The following RAB11FIP3 variants were observed in gnomAD, a reference collection of about 807,000 sequenced individuals.
RAB11FIP3 encodes RAB11 family interacting protein 3, also known as rab11 family-interacting protein 3.
Under a neutral mutation model 77.8 loss-of-function variants are expected in RAB11FIP3, and 17 were observed. The observed-to-expected ratio is 0.22, with a 90% CI of 0.15 to 0.33. RAB11FIP3 has a LOEUF of 0.33. RAB11FIP3 is among the 10% of genes least tolerant of loss of function. The pLI, the probability that RAB11FIP3 is intolerant of heterozygous loss-of-function variation, is 1.00. For missense variants in RAB11FIP3, 1,005 were observed against 1,011.2 expected, an observed-to-expected ratio of 0.99 and a Z score of 0.08; for synonymous variants, 437 against 448.2, an observed-to-expected ratio of 0.98 and a Z score of 0.31.
chr16:426,468 G>C lies in RAB11FIP3; in HGVS notation c.462G>C (p.Ala154=). 3 of 1,581,078 alleles carry C rather than the reference G, an allele frequency of 1.9e-6. No homozygotes were observed. The African/African-American group carries it at 4.0e-5, about 21-fold the overall frequency. The change falls in exon 1 of 14, where the codon GCG becomes GCC. Residue 154 remains alanine (A), a synonymous_variant. Coordinates refer to ENST00000262305, the MANE Select transcript of RAB11FIP3 (RefSeq NM_014700.4). This position sits in a 1 kb window ranked among gnomAD's most constrained non-coding sequence, Gnocchi z 5.0. ...RLQGSSSSHR[A]RGEVDVFSPF... ...AGGGGTCCAGCAGCAGCCACCGAGC[G>C]CGGGGCGAGGTCGACGTCTTCTCTC...
chr16:443,854 G>A (rs934277103), intron 1 of RAB11FIP3, among the ~76,000 whole-genome samples: 2 of 152,178 alleles, frequency 1.3e-5, no homozygotes, highest in Admixed American at 6.5e-5. Flanking sequence ...ATGAGCCATC[G>A]CGCCCGGCCT....
intron 1 of RAB11FIP3, among the ~76,000 whole-genome samples, chr16:458,649 G>C (rs993261547): frequency 7.9e-6 from 1 of 126,992 alleles, no homozygotes; most frequent in Admixed American, 7.9e-5. Context: ...AGGCCCTAGG[G>C]TTTTGTCAGT....
At chr16:444,735 A>G (rs1425908769) in intron 1 of RAB11FIP3, among the ~76,000 whole-genome samples, 1 of 152,114 alleles carries the variant, frequency 6.6e-6, no homozygotes. Context: ...ATGTAATCCA[A>G]GCACTTTGGG....
intron 6 of RAB11FIP3, among the ~76,000 whole-genome samples, chr16:499,715 T>A (rs2031383081): frequency 1.3e-5 from 2 of 150,770 alleles, no homozygotes; most frequent in South Asian, 4.2e-4. Context: ...GGAGAACTGC[T>A]TGAACCCAGA....
intron 1 of RAB11FIP3, among the ~76,000 whole-genome samples, chr16:442,708 G>A (rs1034163621): frequency 6.6e-6 from 1 of 152,248 alleles, no homozygotes; most frequent in East Asian, 1.9e-4. Context: ...TTGTGTCTTC[G>A]TGGGCAGGAG....
intron 3 of RAB11FIP3, among the ~76,000 whole-genome samples, chr16:473,235 C>A: frequency 6.6e-6 from 1 of 152,302 alleles, no homozygotes; most frequent in South Asian, 2.1e-4. Context: ...CCGAGCCTCA[C>A]GCTTGTCACT....
chr16:517,500 CG>C (rs1350935318), intron 9 of RAB11FIP3, among the ~76,000 whole-genome samples: 1 of 151,384 alleles, frequency 6.6e-6, no homozygotes, highest in Non-Finnish European at 1.5e-5. Context: ...CCCGGGAGGT[CG>C]GGGCTGCAGT....
intron 1 of RAB11FIP3, among the ~76,000 whole-genome samples, chr16:457,424 A>G (rs1224835604): frequency 1.3e-5 from 2 of 150,942 alleles, no homozygotes; most frequent in Admixed American, 6.6e-5. Context: ...GGCTTTGGCC[A>G]CTCTGGTTTA....
rs1458097484 is a variant in RAB11FIP3 at position 506,568 on chromosome 16, GCA to G, written c.1499+947_1499+948del. Among the ~76,000 whole-genome samples the G allele has an allele frequency of 1.3e-5, 2 of 152,216 alleles. No homozygotes were observed. The highest frequency in any genetic ancestry group is 2.9e-5 in the Non-Finnish European group (2 of 68,044). ...GTAGATTCAGGGCTCTGAGCAGCCT[GCA>G]CACACGTGTGTTGGCAGCAGGGCAT... On this transcript the variant is annotated intron_variant, in intron 8 of 13. Coordinates refer to ENST00000262305, the MANE Select transcript of RAB11FIP3 (RefSeq NM_014700.4). This position sits in a 1 kb window ranked among gnomAD's most constrained non-coding sequence, Gnocchi z 4.5.
chr16:471,511 C>T lies in RAB11FIP3; in HGVS notation c.903+122C>T, dbSNP rs541804340. 18 of 836,804 alleles carry T rather than the reference C, an allele frequency of 2.2e-5. No individual in the cohort carries two copies. The South Asian group carries it at 2.3e-4, about 11-fold the overall frequency. The allele number at this position is 836,804 out of a possible 1,614,324, so 51.8% of individuals were successfully genotyped here. On this transcript the variant is annotated intron_variant, in intron 3 of 13. Transcript: ENST00000262305. This position sits in a 1 kb window ranked among gnomAD's most constrained non-coding sequence, Gnocchi z 4.4. ...GTAGAAGCTGGCGTGAAGGAAGGGCCTCCCGCCCTGTGTGCACCGTGGGGC... is the reference window on the plus strand; with the variant it reads ...GTAGAAGCTGGCGTGAAGGAAGGGCTTCCCGCCCTGTGTGCACCGTGGGGC...
In RAB11FIP3 at chr16:472,134, C is replaced by T. The variant is rs890508735; in HGVS notation, c.903+745C>T. Among the ~76,000 whole-genome samples the T allele has an allele frequency of 1.3e-5, 2 of 152,218 alleles. No individual in the cohort carries two copies. Among genetic ancestry groups the T allele is most frequent in the Non-Finnish European group, 2.9e-5 (2 of 68,042 alleles). Reference sequence around the variant, plus strand: ...CTCATGTCAGTCCTCTGAGCCCTGACTCCTCGAAAGCTGAGGCTGGCACAG... The same window carrying T: ...CTCATGTCAGTCCTCTGAGCCCTGATTCCTCGAAAGCTGAGGCTGGCACAG... On this transcript the variant is annotated intron_variant, in intron 3 of 13. Transcript: ENST00000262305. This position sits in a 1 kb window ranked among gnomAD's most constrained non-coding sequence, Gnocchi z 4.1.
At chr16:441,798 A>G (rs2055231356) in intron 1 of RAB11FIP3, among the ~76,000 whole-genome samples, 1 of 152,184 alleles carries the variant, frequency 6.6e-6, no homozygotes, top group African/African-American at 2.4e-5. Flanking sequence ...CTAGAGAAGG[A>G]ATTCCACAAC....
rs138429360 is a variant in RAB11FIP3, at chr16:475,293, C to T, written c.903+3904C>T. Among the ~76,000 whole-genome samples the T allele has an allele frequency of 6.0e-4, 92 of 152,292 alleles. 1 individual carries two copies. In the South Asian group the frequency reaches 6.2e-3, roughly 10 times the overall value. On this transcript the variant is annotated intron_variant, in intron 3 of 13. Transcript: ENST00000262305. Reference sequence around the variant, plus strand: ...TAGTGAATGTAACGTTTCAACATAGCGACGTTTTCCAAGATGCACTTTGAT... The same window carrying T: ...TAGTGAATGTAACGTTTCAACATAGTGACGTTTTCCAAGATGCACTTTGAT...
chr16:497,436 T>C, intron 6 of RAB11FIP3: 2 of 1,243,156 alleles, frequency 1.6e-6, no homozygotes, highest in East Asian at 5.9e-5. Flanking sequence ...GGGTGGCCTC[T>C]GCTGCCGTCA....
chr16:519,118 G>A (rs77970841), intron 10 of RAB11FIP3, 94 bp downstream of exon 10: 86,389 of 1,329,786 alleles, frequency 0.065, 3,184 homozygotes, highest in African/African-American at 0.12. Flanking sequence ...TGTGCTGAGC[G>A]GGATACTGTG....
chr16:478,989 G>GA (rs1201511292), intron 3 of RAB11FIP3, among the ~76,000 whole-genome samples: 10 of 150,852 alleles, frequency 6.6e-5, no homozygotes, highest in African/African-American at 1.2e-4. Context: ...ATTAGAAAAA[G>GA]AAAAAAAAAG....
intron 1 of RAB11FIP3, among the ~76,000 whole-genome samples, chr16:439,850 C>CTTTTTTTT (rs879539160): frequency 6.8e-6 from 1 of 146,362 alleles, no homozygotes; most frequent in African/African-American, 2.5e-5. Context: ...CAGTTGCATT[C>CTTTTTTTT]TTTTTTTTTT....
At chr16:459,658 A>C (rs757326466) in intron 1 of RAB11FIP3, among the ~76,000 whole-genome samples, 10 of 151,758 alleles carry the variant, frequency 6.6e-5, no homozygotes, top group Admixed American at 6.6e-5. Flanking sequence ...GCTGGTCTGG[A>C]ACCCCTGACC....
At chr16:503,275 G>A (rs1315563753) in intron 7 of RAB11FIP3, among the ~76,000 whole-genome samples, 178 bp downstream of exon 7, 6 of 152,230 alleles carry the variant, frequency 3.9e-5, no homozygotes, top group Admixed American at 6.5e-5. Flanking sequence ...TTTCCCCAAG[G>A]GGTCTCGTGG....
Sources: gnomAD v4.1 joint callset for allele counts (sites outside exome capture counted in the v4.1 genomes callset) on GRCh38, gnomAD v4.1.1 for gene constraint, Gnocchi (gnomAD v3.1) non-coding constraint, MANE v1.5 for transcripts, NCBI Gene and HGNC (gene_info 2026-07-23, HGNC 2026-07-21) for gene names.